SPTBN5: variants seen among roughly 807,000 people sequenced by gnomAD.
SPTBN5 encodes the protein spectrin beta chain, non-erythrocytic 5.
A neutral mutation model predicts 477.6 loss-of-function variants in SPTBN5; 513 were observed. The ratio of observed to expected loss-of-function variants is 1.07; its 90% CI spans 1.00 to 1.16. SPTBN5 has a LOEUF of 1.16. Among genes scored for constraint, SPTBN5 ranks in the 50% most tolerant of loss-of-function variants. The pLI, the probability that SPTBN5 is intolerant of heterozygous loss-of-function variation, is 0.00. For synonymous variants in SPTBN5, 2,169 were observed against 2,011.7 expected, an observed-to-expected ratio of 1.08 and a Z score of -2.09; for missense variants, 5,062 against 4,731.8, an observed-to-expected ratio of 1.07 and a Z score of -2.05.
At chr15:41,885,206 G>T (rs1391495110) in intron 7 of SPTBN5, among the ~76,000 whole-genome samples, 1 of 152,110 alleles carries the variant, frequency 6.6e-6, no homozygotes, top group Admixed American at 6.5e-5. Context: ...GTATTTTTTA[G>T]TGGAAACGGG....
rs371812118 is a variant in SPTBN5 at position 41,864,043 on chromosome 15, T to C, written c.6919-19A>G. ...CTGTGTCCTGCAGGGGAGGTATGGG[T>C]GAGGGCATTGGCACCCCCCATGCAG... On this transcript the variant is annotated intron_variant, in intron 39 of 67. Coordinates refer to ENST00000320955, the MANE Select transcript of SPTBN5 (RefSeq NM_016642.4). 9 of 1,595,954 alleles carry C rather than the reference T, an allele frequency of 5.6e-6. No homozygotes were observed. In the African/African-American group the frequency reaches 8.0e-5, roughly 14 times the overall value.
intron 49 of SPTBN5, 73 bp downstream of exon 49, chr15:41,858,529 A>C: frequency 6.6e-7 from 1 of 1,521,608 alleles, no homozygotes; most frequent in Non-Finnish European, 8.8e-7. Flanking sequence ...GTGGTTCAGC[A>C]CCAGCTCTGG....
chr15:41,871,898 T>G lies in SPTBN5; in HGVS notation c.5185A>C (p.Thr1729Pro). 1.9e-6 allele frequency: 3 copies of G among 1,581,864 alleles called. No individual in the cohort carries two copies. The highest frequency in any genetic ancestry group is 2.6e-6 in the Non-Finnish European group (3 of 1,163,218). The change falls in exon 28 of 68, where the codon ACC becomes CCC. Residue 1729 changes from threonine (T) to proline (P), a missense_variant. Physicochemically the swap from Thr to Pro is conservative, Grantham distance 38 (BLOSUM62 -1). Transcript: ENST00000320955. ...CTCAGGAACTCATGCAGCCTCAGGG[T>G]CCCCTCCAGTTCCCGGTCCCTGTGG... is the stretch of plus-strand genomic sequence containing the variant. ...AATRDRELEG[T>P]LRLHEFLREA...
intron 67 of SPTBN5, 137 bp downstream of exon 67, chr15:41,849,732 T>C (rs1392525076): frequency 1.5e-6 from 1 of 677,574 alleles, no homozygotes; most frequent in Non-Finnish European, 2.6e-6. Flanking sequence ...CAGGGGCAGC[T>C]GAGGGTTCCA....
chr15:41,871,851 G>A lies in SPTBN5; in HGVS notation c.5232C>T (p.Gly1744=). 6.3e-7 allele frequency: 1 copy of A among 1,588,234 alleles called. No homozygotes were observed. Among genetic ancestry groups the A allele is most frequent in the Non-Finnish European group, 8.6e-7 (1 of 1,167,900 alleles). The change falls in exon 28 of 68, where the codon GGC becomes GGT. Residue 1744 remains glycine, a synonymous_variant. Transcript: ENST00000320955. ...EFLREAEDLQ[G]WLASQKQAAK... is the part of the protein sequence containing the mutation. Reference sequence around the variant, plus strand: ...CTGCCTGCTTCTGGCTTGCCAGCCAGCCCTGCAGGTCCTCAGCCTCCCTCA... The same window carrying A: ...CTGCCTGCTTCTGGCTTGCCAGCCAACCCTGCAGGTCCTCAGCCTCCCTCA...
rs1181771455 is a variant in SPTBN5, at chr15:41,885,972, G to A, written c.1283C>T (p.Ala428Val). The A allele has an allele frequency of 6.4e-7, 1 of 1,550,498 alleles. No individual in the cohort carries two copies. The highest frequency in any genetic ancestry group is 2.3e-5 in the East Asian group (1 of 42,726). ...GGCTGCCTTGTGCTGGAAGCGCCGG[G>A]CCAGGGTTTCTAGCCGCTGCAGCTG... ...LLQLQRLETL[A>V]RRFQHKAALR... is the part of the protein sequence containing the mutation. The change falls in exon 7 of 68, where the codon GCC (alanine) becomes GTC (valine). Residue 428 changes from alanine (A) to valine (V), a missense_variant. Physicochemically the swap from Ala to Val is moderately conservative, Grantham distance 64 (BLOSUM62 0). Transcript: ENST00000320955.
Position 41,855,604 on chromosome 15 carries a change from T to C in SPTBN5, c.9163A>G (p.Ile3055Val), listed in dbSNP as rs746713438. 1.3e-5 allele frequency: 21 copies of C among 1,611,802 alleles called. No individual in the cohort carries two copies. Among genetic ancestry groups the C allele is most frequent in the South Asian group, 1.1e-4 (10 of 90,994 alleles). ...KRDLEAFSPR[I>V]ERLQQTAALL... The stretch of plus-strand genomic sequence containing the variant: ...GCTGCTGTCTGCTGCAGCCGCTCGA[T>C]GCGTGGGCTGAACGCTTCCAGGTCT... Residue 3055 changes from isoleucine (I) to valine (V), a missense_variant, in exon 54 of 68, where the codon ATC becomes GTC. Physicochemically the swap from Ile to Val is conservative, Grantham distance 29. Transcript: ENST00000320955.
intron 21 of SPTBN5, 58 bp downstream of exon 21, chr15:41,876,056 G>T: frequency 6.4e-7 from 1 of 1,560,436 alleles, no homozygotes; most frequent in Non-Finnish European, 8.7e-7. Flanking sequence ...AGGTGGTGCA[G>T]TAGGGTTGGG....
intron 24 of SPTBN5, 117 bp downstream of exon 24, chr15:41,874,175 A>G (rs2066639120): frequency 1.3e-6 from 2 of 1,504,724 alleles, no homozygotes; most frequent in African/African-American, 2.8e-5. Context: ...AGAGATTTGG[A>G]AATTGGGATA....
At chr15:41,859,771 A>G (rs2066041097) in intron 47 of SPTBN5, among the ~76,000 whole-genome samples, 2 of 152,140 alleles carry the variant, frequency 1.3e-5, no homozygotes, top group African/African-American at 4.8e-5. Context: ...GCATTCTGTT[A>G]ATTCAAAGAC....
rs1224090055 is a variant in SPTBN5, at chr15:41,885,922, C to T, written c.1333G>A (p.Ala445Thr). ...CTGGCCTGGTCTAGCACCTGCTCTGCATCCTTAAGGAAACTCTCCCGGAGG... is the reference window on the plus strand; with the variant it reads ...CTGGCCTGGTCTAGCACCTGCTCTGTATCCTTAAGGAAACTCTCCCGGAGG... ...AALRESFLKD[A>T]EQVLDQARAP... The change falls in exon 7 of 68, where the codon GCA becomes ACA. Residue 445 changes from alanine (A) to threonine (T), a missense_variant. Ala to Thr is a moderately conservative substitution (Grantham distance 58). Coordinates refer to ENST00000320955, the MANE Select transcript of SPTBN5 (RefSeq NM_016642.4). The T allele has an allele frequency of 6.3e-7, 1 of 1,580,798 alleles. No individual in the cohort carries two copies. The highest frequency in any genetic ancestry group is 2.3e-5 in the East Asian group (1 of 43,242).
At chr15:41,850,360 G>A (rs768074979) in intron 66 of SPTBN5, 7 of 246,082 alleles carry the variant, frequency 2.8e-5, no homozygotes, top group South Asian at 7.2e-5. Context: ...AGCAGAGCAC[G>A]CTGACCACGG....
In SPTBN5 at chr15:41,871,836, C is replaced by A; in HGVS notation, c.5247G>T (p.Gln1749His). 6.3e-7 allele frequency: 1 copy of A among 1,590,726 alleles called. No individual in the cohort carries two copies. Among genetic ancestry groups the A allele is most frequent in the East Asian group, 2.3e-5 (1 of 43,436 alleles). ...AEDLQGWLAS[Q>H]KQAAKGGESL... ...TCTCCCCTCCTTTGGCTGCCTGCTT[C>A]TGGCTTGCCAGCCAGCCCTGCAGGT... Residue 1749 changes from glutamine to histidine, a missense_variant, in exon 28 of 68, where the codon CAG becomes CAT. Physicochemically the swap from Gln to His is conservative, Grantham distance 24. Coordinates refer to ENST00000320955, the MANE Select transcript of SPTBN5 (RefSeq NM_016642.4).
At position 41,854,777 on chromosome 15, in the gene SPTBN5, C is replaced by T. The variant is rs1247634937; in HGVS notation, c.9618+5G>A. 1.3e-6 allele frequency: 2 copies of T among 1,521,136 alleles called. No homozygotes were observed. The highest frequency in any genetic ancestry group is 1.8e-6 in the Non-Finnish European group (2 of 1,132,588). The allele number at this position is 1,521,136 out of a possible 1,614,324, so 94.2% of individuals were successfully genotyped here. ...CTTAGCTTGGCCCGGCCTGTGATCA[C>T]CTACCTCTGTGCGGGCTTTTATTGC... is the stretch of plus-strand genomic sequence containing the variant. On this transcript the variant is annotated splice_donor_5th_base_variant and intron_variant, in intron 56 of 67. Coordinates refer to ENST00000320955, the MANE Select transcript of SPTBN5 (RefSeq NM_016642.4).
chr15:41,876,934 C>T lies in SPTBN5; in HGVS notation c.3726G>A (p.Glu1242=). The T allele has an allele frequency of 1.9e-6, 3 of 1,608,502 alleles. No homozygotes were observed. The highest frequency in any genetic ancestry group is 2.5e-6 in the Non-Finnish European group (3 of 1,178,726). The change falls in exon 19 of 68, where the codon GAG becomes GAA. Residue 1242 remains glutamate (E), a synonymous_variant. Transcript: ENST00000320955. ...HLDNLGEDVR[E]ALSLLQQHRE... is the part of the protein sequence containing the mutation. ...GGTGCTGCTGCAGCAGGCTCAGGGC[C>T]TCCCTCACGTCCTCCTGGGAGTGCA...
Position 41,866,168 on chromosome 15 carries a change from T to C in SPTBN5, c.6692A>G (p.Gln2231Arg). ...PRAGEVSQRLQGLRKHWEDLR... is the reference protein window; with the variant it reads ...PRAGEVSQRLRGLRKHWEDLR... Reference sequence around the variant, plus strand: ...GTCCTCCCAGTGCTTCCGCAGGCCCTGCAGCCGCTGGGAGACCTCTCCGGC... The same window carrying C: ...GTCCTCCCAGTGCTTCCGCAGGCCCCGCAGCCGCTGGGAGACCTCTCCGGC... Residue 2231 changes from glutamine to arginine, a missense_variant, in exon 38 of 68, where the codon CAG (glutamine) becomes CGG (arginine). Coordinates refer to ENST00000320955, the MANE Select transcript of SPTBN5 (RefSeq NM_016642.4). The C allele has an allele frequency of 6.4e-7, 1 of 1,568,952 alleles. No individual in the cohort carries two copies. The highest frequency in any genetic ancestry group is 2.4e-5 in the East Asian group (1 of 42,488).
At position 41,883,206 on chromosome 15, in the gene SPTBN5, C is replaced by A. The variant is rs774012088; in HGVS notation, c.1682G>T (p.Cys561Phe). 12 of 1,611,352 alleles carry A rather than the reference C, an allele frequency of 7.4e-6. No homozygotes were observed. In the Middle Eastern group the frequency reaches 8.2e-4, roughly 110 times the overall value. The part of the protein sequence containing the change: ...ELQEPARSTA[C>F]GQQLAEVVEL... ...CACCACTTCTGCCAGCTGCTGCCCA[C>A]AGGCGGTGGACCTGGCCGGCTCCTG... Residue 561 changes from cysteine to phenylalanine, a missense_variant, in exon 9 of 68, where the codon TGT becomes TTT. Cys to Phe is a radical substitution (Grantham distance 205, BLOSUM62 -2). Coordinates refer to ENST00000320955, the MANE Select transcript of SPTBN5 (RefSeq NM_016642.4).
chr15:41,861,323 T>C, intron 46 of SPTBN5, 96 bp downstream of exon 46: 2 of 1,110,828 alleles, frequency 1.8e-6, no homozygotes, highest in Non-Finnish European at 2.7e-6. Context: ...AAGGGGAGGA[T>C]CCCTGGCCTA....
rs1400794411 is a variant in SPTBN5 at position 41,883,331 on chromosome 15, G to A, written c.1659+17C>T. ...ACCTTGCTGTGTTTCCCAAGGGCCTGCTGGTCCAGTGCCCACCTGCAGCTC... is the reference window on the plus strand; with the variant it reads ...ACCTTGCTGTGTTTCCCAAGGGCCTACTGGTCCAGTGCCCACCTGCAGCTC... On this transcript the variant is annotated intron_variant, in intron 8 of 67. Coordinates refer to ENST00000320955, the MANE Select transcript of SPTBN5 (RefSeq NM_016642.4). 6.2e-7 allele frequency: 1 copy of A among 1,611,934 alleles called. No homozygotes were observed. The highest frequency in any genetic ancestry group is 1.7e-5 in the Admixed American group (1 of 59,958).
Sources: allele counts gnomAD v4.1 joint callset (sites outside exome capture counted in the v4.1 genomes callset), GRCh38; gene constraint gnomAD v4.1.1; transcripts MANE v1.5; gene names NCBI Gene and HGNC (gene_info 2026-07-23, HGNC 2026-07-21).